The following MYO3B variants were observed in gnomAD, a reference collection of about 807,000 sequenced individuals.
MYO3B encodes the protein myosin IIIB.
MYO3B carries 156 observed loss-of-function variants against 174.6 expected under a neutral mutation model. The observed-to-expected ratio is 0.89, with a 90% CI of 0.78 to 1.02. The LOEUF is 1.02. MYO3B is among the 50% of genes least tolerant of loss of function. The pLI is 0.00. For synonymous variants in MYO3B, 563 were observed against 569.1 expected, an observed-to-expected ratio of 0.99 and a Z score of 0.15; for missense variants, 1,632 against 1,639.4, an observed-to-expected ratio of 1.00 and a Z score of 0.08.
intron 7 of MYO3B, among the ~76,000 whole-genome samples, chr2:170,302,896 T>C (rs1277466904): frequency 6.6e-6 from 1 of 152,254 alleles, no homozygotes; most frequent in Non-Finnish European, 1.5e-5. Flanking sequence ...TGGTGCTTGA[T>C]CTATTATTAT....
At chr2:170,596,343 A>G (rs1000582302) in intron 32 of MYO3B, among the ~76,000 whole-genome samples, 3 of 152,154 alleles carry the variant, frequency 2.0e-5, no homozygotes, top group African/African-American at 4.8e-5. Context: ...GAGGCCCTGG[A>G]GAGGACTGGT....
intron 6 of MYO3B, among the ~76,000 whole-genome samples, chr2:170,220,395 C>T (rs990496433): frequency 3.3e-5 from 5 of 151,918 alleles, no homozygotes; most frequent in Middle Eastern, 3.2e-3. Context: ...CTTTGGAAGG[C>T]GGAGGCAGGC....
intron 22 of MYO3B, among the ~76,000 whole-genome samples, chr2:170,421,921 G>T (rs1329533019): frequency 6.6e-6 from 1 of 152,092 alleles, no homozygotes; most frequent in Non-Finnish European, 1.5e-5. Context: ...TGGCTTAAGT[G>T]TTTCTTTCAT....
intron 30 of MYO3B, among the ~76,000 whole-genome samples, chr2:170,520,357 G>A (rs1052850362): frequency 6.6e-6 from 1 of 151,992 alleles, no homozygotes; most frequent in Admixed American, 6.6e-5. Flanking sequence ...GGAGGCTGAG[G>A]TGGGAGTATC....
At chr2:170,241,767 CA>C (rs2093136842) in intron 7 of MYO3B, among the ~76,000 whole-genome samples, 1 of 150,268 alleles carries the variant, frequency 6.7e-6, no homozygotes, top group African/African-American at 2.4e-5. Context: ...TCAGTGCCTA[CA>C]ATCGACTCTC....
intron 7 of MYO3B, among the ~76,000 whole-genome samples, chr2:170,271,922 G>GC (rs2093427681): frequency 6.6e-6 from 1 of 151,912 alleles, no homozygotes; most frequent in Non-Finnish European, 1.5e-5. Flanking sequence ...TGGCCTATTT[G>GC]TATTCAGGTT....
At chr2:170,434,013 C>G (rs1574972604) in intron 22 of MYO3B, among the ~76,000 whole-genome samples, 3 of 152,146 alleles carry the variant, frequency 2.0e-5, no homozygotes, top group African/African-American at 7.2e-5. Flanking sequence ...GTAAAAACTG[C>G]AGAACAAAAT....
chr2:170,604,072 A>G (rs1694674277), intron 32 of MYO3B, among the ~76,000 whole-genome samples: 1 of 152,214 alleles, frequency 6.6e-6, no homozygotes, highest in Non-Finnish European at 1.5e-5. Context: ...GATAGACTAT[A>G]CCATCTATGT....
chr2:170,644,165 C>T (rs554740080), intron 32 of MYO3B, among the ~76,000 whole-genome samples: 14 of 152,282 alleles, frequency 9.2e-5, no homozygotes, highest in Admixed American at 9.2e-4. Flanking sequence ...ATGCAGTACA[C>T]TCAGCTAGAT....
At chr2:170,443,247 G>A (rs1223568094) in intron 22 of MYO3B, among the ~76,000 whole-genome samples, 2 of 152,222 alleles carry the variant, frequency 1.3e-5, no homozygotes. Flanking sequence ...GATGGCCAGT[G>A]ATGATGAGCA....
intron 32 of MYO3B, among the ~76,000 whole-genome samples, chr2:170,637,321 G>A (rs149357945): frequency 0.015 from 2,299 of 151,850 alleles, 27 homozygotes; most frequent in Non-Finnish European, 0.021. Flanking sequence ...ACAGGCATAC[G>A]CCACCAGGCC....
intron 14 of MYO3B, among the ~76,000 whole-genome samples, chr2:170,390,130 A>T (rs544614141): frequency 2.0e-5 from 3 of 152,190 alleles, no homozygotes; most frequent in Non-Finnish European, 4.4e-5. Flanking sequence ...TACACAATAA[A>T]ATTTATTTTT....
chr2:170,340,831 T>C (rs1437896965), intron 8 of MYO3B: 1 of 152,134 alleles, frequency 6.6e-6, no homozygotes, highest in Non-Finnish European at 1.5e-5. Context: ...TTTGTGGTTT[T>C]CTTAATTGCC....
intron 30 of MYO3B, among the ~76,000 whole-genome samples, chr2:170,522,527 C>G (rs1228931974): frequency 6.6e-6 from 1 of 152,224 alleles, no homozygotes. Flanking sequence ...CACACCTGAT[C>G]AATTGTCTTA....
chr2:170,467,410 C>T (rs1684710574), intron 25 of MYO3B, among the ~76,000 whole-genome samples: 1 of 152,048 alleles, frequency 6.6e-6, no homozygotes, highest in Non-Finnish European at 1.5e-5. Context: ...CTTTCTTAAC[C>T]CAGAAAGTGC....
At chr2:170,396,122 C>G (rs1434852046) in intron 16 of MYO3B, among the ~76,000 whole-genome samples, 2 of 152,132 alleles carry the variant, frequency 1.3e-5, no homozygotes, top group Non-Finnish European at 2.9e-5. Context: ...TTGAGTAAAG[C>G]TATTCCACTT....
At chr2:170,318,510 G>A (rs1252194468) in intron 7 of MYO3B, among the ~76,000 whole-genome samples, 1 of 152,186 alleles carries the variant, frequency 6.6e-6, no homozygotes, top group Non-Finnish European at 1.5e-5. Flanking sequence ...GGACTGGGAA[G>A]AACTGGAAGC....
In MYO3B at chr2:170,383,138, C is replaced by T. The variant is rs752786105; in HGVS notation, c.1134C>T (p.Asp378=). ...TGCTAATTTACACATATGTTGGAGA[C>T]ATCTTAATTGCCTTAAACCCCTTCC... ...ADLLIYTYVG[D]ILIALNPFQN... Residue 378 remains aspartate, a synonymous_variant, in exon 11 of 35, where the codon GAC becomes GAT. Coordinates refer to ENST00000408978, the MANE Select transcript of MYO3B (RefSeq NM_138995.5). The T allele has an allele frequency of 2.5e-6, 4 of 1,613,202 alleles. No individual in the cohort carries two copies. Among genetic ancestry groups the T allele is most frequent in the Non-Finnish European group, 3.4e-6 (4 of 1,179,452 alleles).
chr2:170,623,779 T>G (rs1482368209), intron 32 of MYO3B, among the ~76,000 whole-genome samples: 2 of 152,188 alleles, frequency 1.3e-5, no homozygotes, highest in Non-Finnish European at 2.9e-5. Context: ...TCCAGTTTCA[T>G]CTTTCTACAT....
Sources: allele counts gnomAD v4.1 joint callset (sites outside exome capture counted in the v4.1 genomes callset), GRCh38; gene constraint gnomAD v4.1.1; transcripts MANE v1.5; gene names NCBI Gene and HGNC (gene_info 2026-07-23, HGNC 2026-07-21).